The following RBFOX1 variants were observed in gnomAD, a reference collection of about 807,000 sequenced individuals.
RBFOX1 encodes the protein RNA binding fox-1 homolog 1.
RBFOX1 carries 8 observed loss-of-function variants against 57.7 expected under a neutral mutation model. That is an observed-to-expected ratio of 0.14 (90% CI 0.08 to 0.25). RBFOX1 has a LOEUF of 0.25. Among genes scored for constraint, RBFOX1 ranks in the 10% least tolerant of loss-of-function variants. RBFOX1 has a pLI of 1.00. For synonymous variants in RBFOX1, 326 were observed against 222.4 expected (o/e 1.47, Z -4.15); for missense variants, 611 against 548.5 (o/e 1.11, Z -1.14).
At position 7,052,112 on chromosome 16, in the gene RBFOX1, C is replaced by T; in HGVS notation, c.27+14C>T. The stretch of plus-strand genomic sequence containing the variant: ...GAGCAGCTAAGGGTAGGTGCACCTG[C>T]TTGTAAAATGCTTCCTGATTCTCAT... On this transcript the variant is annotated intron_variant, in intron 4 of 15. Transcript: ENST00000550418. The T allele has an allele frequency of 6.3e-7, 1 of 1,593,034 alleles. No individual in the cohort carries two copies. Among genetic ancestry groups the T allele is most frequent in the Non-Finnish European group, 8.5e-7 (1 of 1,174,156 alleles).
rs765046679 is a variant in RBFOX1 at position 6,556,721 on chromosome 16, G to A, written c.-63-97882G>A. Among the ~76,000 whole-genome samples, 10 of 152,230 alleles carry A rather than the reference G, an allele frequency of 6.6e-5. 1 individual carries two copies. Among genetic ancestry groups the A allele is most frequent in the South Asian group, 6.2e-4 (3 of 4,822 alleles). ...ATTAAATGTATTGTGATGATCTGCC[G>A]TAGAAATTTGCATTTAAAAGAAAAA... On this transcript the variant is annotated intron_variant, in intron 2 of 15. Coordinates refer to ENST00000550418, the MANE Select transcript of RBFOX1 (RefSeq NM_018723.4).
intron 4 of RBFOX1, among the ~76,000 whole-genome samples, chr16:7,058,102 A>T (rs543687315): frequency 6.6e-6 from 1 of 151,952 alleles, no homozygotes. Flanking sequence ...TGGAAAATAC[A>T]TGTGCTACCA....
chr16:6,340,288 C>G (rs554791843), intron 2 of RBFOX1, among the ~76,000 whole-genome samples: 1 of 152,238 alleles, frequency 6.6e-6, no homozygotes, highest in African/African-American at 2.4e-5. Flanking sequence ...TTAGGCCTAG[C>G]TCACTCATGA....
At chr16:7,357,566 G>C (rs148911689) in intron 4 of RBFOX1, among the ~76,000 whole-genome samples, 3 of 152,044 alleles carry the variant, frequency 2.0e-5, no homozygotes, top group African/African-American at 7.2e-5. Context: ...ATCTTGTTTT[G>C]CTGCATACAT....
In RBFOX1 at chr16:7,140,494, T is replaced by C. The variant is rs1189908315; in HGVS notation, c.27+88396T>C. Among the ~76,000 whole-genome samples, 3 of 152,248 alleles carry C rather than the reference T, an allele frequency of 2.0e-5. No individual in the cohort carries two copies. In the East Asian group the frequency reaches 5.8e-4, roughly 29 times the overall value. ...ATGATTTCTTCAATTTATTGTTGGA[T>C]ACCCAGGACCTAGCATATAGTATGA... On this transcript the variant is annotated intron_variant, in intron 4 of 15. Coordinates refer to ENST00000550418, the MANE Select transcript of RBFOX1 (RefSeq NM_018723.4).
chr16:7,269,831 T>G (rs961432602), intron 4 of RBFOX1, among the ~76,000 whole-genome samples: 2 of 152,218 alleles, frequency 1.3e-5, no homozygotes, highest in Admixed American at 1.3e-4. Flanking sequence ...TGAATAGATT[T>G]TATGTTGCTT....
chr16:7,122,662 G>C (rs1005239642), intron 4 of RBFOX1, among the ~76,000 whole-genome samples: 1 of 152,086 alleles, frequency 6.6e-6, no homozygotes, highest in East Asian at 1.9e-4. Flanking sequence ...CATTTTGACA[G>C]TCCGTTACAA....
chr16:5,448,871 C>A (rs2068334100), intron 1 of RBFOX1, among the ~76,000 whole-genome samples: 1 of 152,200 alleles, frequency 6.6e-6, no homozygotes, highest in Non-Finnish European at 1.5e-5. Context: ...CATTTTTATT[C>A]CTAAAGCTGG....
chr16:7,195,759 G>A (rs891952526), intron 4 of RBFOX1, among the ~76,000 whole-genome samples: 2 of 152,072 alleles, frequency 1.3e-5, no homozygotes, highest in Non-Finnish European at 2.9e-5. Context: ...CACCGTGTTG[G>A]CCAGACTGGT....
chr16:5,731,452 G>A (rs544722632), intron 3 of RBFOX1, among the ~76,000 whole-genome samples: 270 of 152,284 alleles, frequency 1.8e-3, no homozygotes, highest in Non-Finnish European at 2.8e-3. Flanking sequence ...TAGAAGGTGG[G>A]TACTGTTGCT....
chr16:5,680,320 A>T (rs780383109), intron 3 of RBFOX1, among the ~76,000 whole-genome samples: 11 of 152,184 alleles, frequency 7.2e-5, no homozygotes, highest in Admixed American at 2.6e-4. Context: ...CACCTGAAAA[A>T]AATCTTCACT....
At chr16:5,914,529 G>A (rs1017369844) in intron 4 of RBFOX1, among the ~76,000 whole-genome samples, 31 of 152,126 alleles carry the variant, frequency 2.0e-4, no homozygotes, top group Admixed American at 2.0e-3. Flanking sequence ...CCCATCATGT[G>A]GGACTCTCTG....
At chr16:5,895,814 C>G (rs547350954) in intron 4 of RBFOX1, among the ~76,000 whole-genome samples, 16 of 152,156 alleles carry the variant, frequency 1.1e-4, no homozygotes, top group Non-Finnish European at 2.4e-4. Context: ...TATACTGTTG[C>G]TGTTATTTGT....
intron 1 of RBFOX1, among the ~76,000 whole-genome samples, chr16:5,269,945 A>G (rs180755649): frequency 5.3e-5 from 8 of 152,302 alleles, no homozygotes; most frequent in Admixed American, 5.2e-4. Flanking sequence ...GCTTGAGGCC[A>G]GGAGTTCCAG....
At chr16:7,567,165 A>ATATATATATCCC in intron 5 of RBFOX1, among the ~76,000 whole-genome samples, 1 of 143,966 alleles carries the variant, frequency 6.9e-6, no homozygotes, top group East Asian at 2.0e-4. Context: ...ATATATATCC[A>ATATATATATCCC]TATATATATC....
chr16:6,696,277 C>T (rs372584518), intron 3 of RBFOX1, among the ~76,000 whole-genome samples: 8 of 152,130 alleles, frequency 5.3e-5, no homozygotes, highest in East Asian at 1.9e-4. Context: ...TTTATTTAAA[C>T]TTATCTCCAA....
chr16:6,817,733 C>T (rs2090409923), intron 3 of RBFOX1, among the ~76,000 whole-genome samples: 1 of 151,822 alleles, frequency 6.6e-6, no homozygotes, highest in Non-Finnish European at 1.5e-5. Flanking sequence ...AAAAAAACTA[C>T]CAACAGTCTA....
At chr16:7,029,169 TATAC>T (rs1414718876) in intron 3 of RBFOX1, among the ~76,000 whole-genome samples, 1 of 125,324 alleles carries the variant, frequency 8.0e-6, no homozygotes, top group Non-Finnish European at 1.6e-5. Context: ...TACACATATA[TATAC>T]GTATACGTGT....
chr16:5,874,754 G>A (rs888353406), intron 4 of RBFOX1, among the ~76,000 whole-genome samples: 1 of 151,998 alleles, frequency 6.6e-6, no homozygotes, highest in Non-Finnish European at 1.5e-5. Context: ...GACCAGCCAG[G>A]GCATTGTAGC....
Sources: allele counts gnomAD v4.1 joint callset (sites outside exome capture counted in the v4.1 genomes callset), GRCh38; gene constraint gnomAD v4.1.1; transcripts MANE v1.5; gene names NCBI Gene and HGNC (gene_info 2026-07-23, HGNC 2026-07-21).